Variants in SCFD2 observed in about 807,000 individuals in gnomAD.
SCFD2 encodes sec1 family domain-containing protein 2.
A neutral mutation model predicts 58.9 loss-of-function variants in SCFD2; 54 were observed. That is an observed-to-expected ratio of 0.92 (90% CI 0.74 to 1.15). The LOEUF (loss-of-function observed/expected upper bound fraction) is 1.15, where lower values mean the gene tolerates loss of function less well. SCFD2 is among the 50% of genes most tolerant of loss of function. The pLI, the probability that SCFD2 is intolerant of heterozygous loss-of-function variation, is 0.00. For synonymous variants in SCFD2, 321 were observed against 335.9 expected (o/e 0.96, Z 0.49); for missense variants, 805 against 836.6 (o/e 0.96, Z 0.47).
chr4:53,262,321 T>C (rs867235453), intron 4 of SCFD2, among the ~76,000 whole-genome samples: 4 of 152,314 alleles, frequency 2.6e-5, no homozygotes, highest in Middle Eastern at 3.4e-3. Flanking sequence ...GTCTTTTTTT[T>C]CCCATCGTGT....
At chr4:53,017,969 T>C (rs1560511345) in intron 5 of SCFD2, among the ~76,000 whole-genome samples, 1 of 152,220 alleles carries the variant, frequency 6.6e-6, no homozygotes, top group South Asian at 2.1e-4. Flanking sequence ...CCATCCTATA[T>C]AGAACAGCAC....
At chr4:52,878,952 C>G (rs1369122187) in intron 8 of SCFD2, among the ~76,000 whole-genome samples, 1 of 152,174 alleles carries the variant, frequency 6.6e-6, no homozygotes, top group Non-Finnish European at 1.5e-5. Flanking sequence ...TTTTCAGGGT[C>G]CCTGCCATCT....
At chr4:53,114,141 C>T (rs28743032) in intron 5 of SCFD2, among the ~76,000 whole-genome samples, 2,549 of 152,146 alleles carry the variant, frequency 0.017, 75 homozygotes, top group African/African-American at 0.059. Context: ...TTGTACATAT[C>T]TCATCGGACT....
intron 5 of SCFD2, among the ~76,000 whole-genome samples, chr4:53,083,117 C>T (rs191347523): frequency 1.2e-4 from 18 of 152,018 alleles, no homozygotes; most frequent in Admixed American, 3.3e-4. Flanking sequence ...CCTTGAAAAT[C>T]GGTGATGGGT....
intron 3 of SCFD2, among the ~76,000 whole-genome samples, chr4:53,303,917 A>C (rs975975876): frequency 7.2e-6 from 1 of 139,774 alleles, no homozygotes; most frequent in African/African-American, 2.7e-5. Flanking sequence ...ACACATGGAC[A>C]CAGGAAGGGG....
chr4:53,365,154 G>T lies in SCFD2; in HGVS notation c.788C>A (p.Ala263Asp). ...YAPAKNRKKT[A>D]AGRASVVFVD... ...AAAAACCACTGATGCCCTGCCTGCA[G>T]CAGTCTTCTTCCTGTTCTTTGCAGG... The change falls in exon 1 of 9, where the codon GCT becomes GAT. Residue 263 changes from alanine (A) to aspartate (D), a missense_variant. Around this residue, in one of 3 missense-constraint regions of SCFD2, gnomAD observed 633 missense variants for 646.8 expected, o/e 0.98. Coordinates refer to ENST00000401642, the MANE Select transcript of SCFD2 (RefSeq NM_152540.4). The surrounding 1 kb of genome is among the most constrained non-coding windows in gnomAD (Gnocchi z 4.3). 1 of 1,614,238 alleles carries T rather than the reference G, an allele frequency of 6.2e-7. No homozygotes were observed. The highest frequency in any genetic ancestry group is 8.5e-7 in the Non-Finnish European group (1 of 1,180,048).
At chr4:53,131,019 A>G (rs1447118110) in intron 5 of SCFD2, among the ~76,000 whole-genome samples, 2 of 152,238 alleles carry the variant, frequency 1.3e-5, no homozygotes, top group Admixed American at 6.5e-5. Flanking sequence ...AAAACATATT[A>G]GCAAAATATA....
At chr4:53,100,714 T>C (rs1489032931) in intron 5 of SCFD2, among the ~76,000 whole-genome samples, 3 of 152,204 alleles carry the variant, frequency 2.0e-5, no homozygotes, top group Non-Finnish European at 4.4e-5. Context: ...GTGTTCAAGA[T>C]TACAGAAACT....
At chr4:53,188,836 C>CA (rs1329024346) in intron 4 of SCFD2, among the ~76,000 whole-genome samples, 2 of 152,094 alleles carry the variant, frequency 1.3e-5, no homozygotes, top group Non-Finnish European at 2.9e-5. Flanking sequence ...ATTGTCTATC[C>CA]AGTCTATCCC....
chr4:52,899,765 T>C (rs1318816790), intron 7 of SCFD2, among the ~76,000 whole-genome samples: 3 of 152,278 alleles, frequency 2.0e-5, no homozygotes, highest in Non-Finnish European at 4.4e-5. Context: ...GGTTCCATTC[T>C]TCCCGTCACT....
At chr4:53,036,038 T>A (rs1426037912) in intron 5 of SCFD2, among the ~76,000 whole-genome samples, 4 of 151,812 alleles carry the variant, frequency 2.6e-5, no homozygotes, top group African/African-American at 9.7e-5. Context: ...ATCGTTTTTG[T>A]TTTTATTTTA....
chr4:53,236,808 T>TTTTATTTA (rs141143179), intron 4 of SCFD2, among the ~76,000 whole-genome samples: 12 of 138,300 alleles, frequency 8.7e-5, no homozygotes, highest in African/African-American at 8.1e-5. Flanking sequence ...AAAGTCACTG[T>TTTTATTTA]TTTATTTATT....
rs181917880 is a variant in SCFD2, at chr4:53,224,684, C to A, written c.1311+49142G>T. On this transcript the variant is annotated intron_variant, in intron 4 of 8. Coordinates refer to ENST00000401642, the MANE Select transcript of SCFD2 (RefSeq NM_152540.4). ...CTCAGCTCTGCCTGAATTCCTCCCC[C>A]ACAAACTGTGAGCTCTAATAAAATG... 2.0e-5 allele frequency among the ~76,000 whole-genome samples: 3 copies of A among 152,302 alleles called. No homozygotes were observed. The East Asian group carries it at 5.8e-4, about 29-fold the overall frequency.
chr4:52,922,567 T>C (rs1719765625), intron 5 of SCFD2, among the ~76,000 whole-genome samples: 1 of 152,252 alleles, frequency 6.6e-6, no homozygotes, highest in Non-Finnish European at 1.5e-5. Context: ...AATATTCATG[T>C]ATATGAAATG....
chr4:53,062,976 C>G lies in SCFD2; in HGVS notation c.1561+82357G>C, dbSNP rs184135776. ...AACACTATTACAAATGTGAAATGAC[C>G]TGGCCCTACCAAAATAAAAACCATT... On this transcript the variant is annotated intron_variant, in intron 5 of 8. Transcript: ENST00000401642. Among the ~76,000 whole-genome samples, 92 of 152,188 alleles carry G rather than the reference C, an allele frequency of 6.0e-4. 1 individual carries two copies.
At chr4:53,228,253 G>A (rs1729291470) in intron 4 of SCFD2, among the ~76,000 whole-genome samples, 1 of 152,116 alleles carries the variant, frequency 6.6e-6, no homozygotes, top group Non-Finnish European at 1.5e-5. Context: ...AAAGACTTCA[G>A]GATGATTTTA....
intron 1 of SCFD2, among the ~76,000 whole-genome samples, chr4:53,353,112 T>C (rs1165243486): frequency 1.3e-5 from 2 of 152,172 alleles, no homozygotes; most frequent in South Asian, 2.1e-4. Context: ...TTCTTAAAGA[T>C]GGTGTGTCCG....
intron 4 of SCFD2, among the ~76,000 whole-genome samples, chr4:53,250,189 C>A (rs1163532969): frequency 2.6e-5 from 4 of 152,078 alleles, no homozygotes; most frequent in Non-Finnish European, 5.9e-5. Context: ...CAACAAAGAT[C>A]AAAAGAGACA....
At chr4:53,292,270 C>A (rs1731865515) in intron 3 of SCFD2, among the ~76,000 whole-genome samples, 1 of 152,048 alleles carries the variant, frequency 6.6e-6, no homozygotes, top group Non-Finnish European at 1.5e-5. Flanking sequence ...ACACAATCTA[C>A]AGAATGAGAG....
Sources: allele counts gnomAD v4.1 joint callset (sites outside exome capture counted in the v4.1 genomes callset), GRCh38; gene constraint gnomAD v4.1.1; regional missense constraint gnomAD v4.1.1; non-coding constraint Gnocchi (gnomAD v3.1); transcripts MANE v1.5; gene names NCBI Gene and HGNC (gene_info 2026-07-23, HGNC 2026-07-21).